The following GRIP1 variants were observed in gnomAD, a reference collection of about 807,000 sequenced individuals.
GRIP1 encodes the protein glutamate receptor interacting protein 1.
Under a neutral mutation model 129.9 loss-of-function variants are expected in GRIP1, and 45 were observed. The observed-to-expected ratio is 0.35, with a 90% confidence interval of 0.27 to 0.44. The LOEUF (loss-of-function observed/expected upper bound fraction) is 0.44, where lower values mean the gene tolerates loss of function less well. Among genes scored for constraint, GRIP1 ranks in the 20% least tolerant of loss-of-function variants. The probability of loss-of-function intolerance (pLI) is 1.00; values close to 1 mark genes in which losing one functional copy is unlikely to be tolerated. For synonymous variants in GRIP1, 530 were observed against 520.8 expected (o/e 1.02, Z -0.24); for missense variants, 1,196 against 1,396.8 (o/e 0.86, Z 2.29).
intron 1 of GRIP1, among the ~76,000 whole-genome samples, chr12:66,916,474 C>G (rs2137337317): frequency 6.6e-6 from 1 of 152,340 alleles, no homozygotes; most frequent in East Asian, 1.9e-4. Context: ...AGTCTCAGCA[C>G]TTCGCCTTCC....
chr12:66,628,628 T>C (rs1420727159), intron 1 of GRIP1, among the ~76,000 whole-genome samples: 3 of 152,252 alleles, frequency 2.0e-5, no homozygotes, highest in Admixed American at 6.5e-5. Context: ...TTTTCCTTCA[T>C]ATAAATCAGG....
intron 1 of GRIP1, among the ~76,000 whole-genome samples, chr12:67,011,040 T>C (rs568589994): frequency 1.3e-5 from 2 of 152,298 alleles, no homozygotes; most frequent in South Asian, 4.1e-4. Flanking sequence ...GACTTTTAAA[T>C]TATACCTACT....
At chr12:66,668,835 T>A (rs542848599) in intron 1 of GRIP1, among the ~76,000 whole-genome samples, 1 of 151,520 alleles carries the variant, frequency 6.6e-6, no homozygotes, top group Non-Finnish European at 1.5e-5. Context: ...GTTGGGGGAG[T>A]GGCAGGGAGG....
chr12:66,815,846 T>C (rs1456169880), intron 1 of GRIP1, among the ~76,000 whole-genome samples: 14 of 48,022 alleles, frequency 2.9e-4, no homozygotes, highest in Non-Finnish European at 2.4e-4. Flanking sequence ...CTTTCTTTCT[T>C]TCTTTCTTTC....
chr12:66,759,941 G>A (rs532967031), intron 1 of GRIP1, among the ~76,000 whole-genome samples: 3 of 151,534 alleles, frequency 2.0e-5, no homozygotes, highest in South Asian at 2.1e-4. Flanking sequence ...TGCAAGCTCC[G>A]CCTTCCGGGT....
chr12:66,713,522 A>C (rs117589354), intron 1 of GRIP1, among the ~76,000 whole-genome samples: 46 of 137,860 alleles, frequency 3.3e-4, no homozygotes, highest in Middle Eastern at 3.6e-3. Context: ...AGCAGTAGAG[A>C]CCAAAAGTCA....
intron 1 of GRIP1, among the ~76,000 whole-genome samples, chr12:66,751,770 T>G (rs1282569840): frequency 6.6e-6 from 1 of 152,220 alleles, no homozygotes; most frequent in Non-Finnish European, 1.5e-5. Flanking sequence ...AGATTTAGGT[T>G]TGTGTCAAAT....
intron 1 of GRIP1, among the ~76,000 whole-genome samples, chr12:66,936,689 T>C (rs895178504): frequency 1.3e-5 from 2 of 152,168 alleles, no homozygotes; most frequent in African/African-American, 4.8e-5. Flanking sequence ...CTGGCATCTG[T>C]AGTAAGGGTG....
At position 66,960,953 on chromosome 12, in the gene GRIP1, G is replaced by A. The variant is rs546561311; in HGVS notation, c.58+108097C>T. On this transcript the variant is annotated intron_variant, in intron 1 of 1. Transcript: ENST00000643019. ...CAGTAGTCAGCTCCCTCCCCTGTAA[G>A]GAAAGGGCCTGAGAAATAGAGAAAT... 2.1e-5 allele frequency among the ~76,000 whole-genome samples: 3 copies of A among 140,886 alleles called. No individual in the cohort carries two copies. The South Asian group carries it at 6.9e-4, about 32-fold the overall frequency. The allele number at this position is 140,886 out of a possible 152,430, so 92.4% of individuals were successfully genotyped here.
At chr12:66,468,972 G>C (rs11176205) in intron 7 of GRIP1, among the ~76,000 whole-genome samples, 2 of 151,928 alleles carry the variant, frequency 1.3e-5, no homozygotes, top group Admixed American at 6.6e-5. Context: ...AAAAACAACA[G>C]GTGTAATATT....
In GRIP1 at chr12:66,392,483, G is replaced by A. The variant is rs759500891; in HGVS notation, c.2289C>T (p.Pro763=). 25 of 1,613,950 alleles carry A rather than the reference G, an allele frequency of 1.5e-5. No homozygotes were observed. The highest frequency in any genetic ancestry group is 6.7e-5 in the Admixed American group (4 of 60,004). Residue 763 remains proline, a synonymous_variant, in exon 19 of 25, where the codon CCC becomes CCT. Coordinates refer to ENST00000359742, the MANE Select transcript of GRIP1 (RefSeq NM_001366722.1). Reference sequence around the variant, plus strand: ...AATGGCTAGAAATAGGGAACTTCTTGGGGCTCGATGCTGACTGGGCTTTAT... The same window carrying A: ...AATGGCTAGAAATAGGGAACTTCTTAGGGCTCGATGCTGACTGGGCTTTAT... ...KQTDAQSASS[P]KKFPISSHLS...
intron 2 of GRIP1, among the ~76,000 whole-genome samples, chr12:66,584,538 A>G (rs984491866): frequency 6.6e-6 from 1 of 152,170 alleles, no homozygotes; most frequent in South Asian, 2.1e-4. Flanking sequence ...ACGCCATTGC[A>G]TGCCAGCTGG....
intron 2 of GRIP1, among the ~76,000 whole-genome samples, chr12:66,555,645 G>A (rs763025491): frequency 6.6e-6 from 1 of 152,144 alleles, no homozygotes; most frequent in Non-Finnish European, 1.5e-5. Flanking sequence ...TAGGTGACTG[G>A]AGGAAACTTG....
At chr12:67,007,085 G>C (rs1033196805) in intron 1 of GRIP1, among the ~76,000 whole-genome samples, 14 of 152,100 alleles carry the variant, frequency 9.2e-5, no homozygotes, top group African/African-American at 3.1e-4. Context: ...TCTATTCATT[G>C]AAAAGTTGGT....
intron 7 of GRIP1, among the ~76,000 whole-genome samples, chr12:66,507,294 C>G (rs192720369): frequency 2.8e-3 from 432 of 152,064 alleles, no homozygotes; most frequent in African/African-American, 9.9e-3. Context: ...AAAAATTAGC[C>G]GGGCATGGTA....
chr12:67,056,597 C>A (rs1211654731), intron 1 of GRIP1, among the ~76,000 whole-genome samples: 2 of 152,160 alleles, frequency 1.3e-5, no homozygotes, highest in Admixed American at 6.5e-5. Context: ...TGTTAATCAG[C>A]CACAAGCCTG....
chr12:66,357,343 T>C lies in GRIP1; in HGVS notation c.3013-3780A>G, dbSNP rs2054543218. Among the ~76,000 whole-genome samples the C allele has an allele frequency of 2.0e-5, 3 of 152,340 alleles. No individual in the cohort carries two copies. In the South Asian group the frequency reaches 6.2e-4, roughly 32 times the overall value. Reference sequence around the variant, plus strand: ...AAACTGTGTCATTTGCTCTGTAGTATATTCCTCTGTCTCCCACATTTCTCT... The same window carrying C: ...AAACTGTGTCATTTGCTCTGTAGTACATTCCTCTGTCTCCCACATTTCTCT... On this transcript the variant is annotated intron_variant, in intron 23 of 24. Coordinates refer to ENST00000359742, the MANE Select transcript of GRIP1 (RefSeq NM_001366722.1).
chr12:66,737,650 T>C (rs2036649548), intron 1 of GRIP1, among the ~76,000 whole-genome samples: 1 of 151,872 alleles, frequency 6.6e-6, no homozygotes. Flanking sequence ...TCGAACTCAG[T>C]ATCTCTTTGA....
At chr12:66,418,559 C>T (rs2057692101) in intron 15 of GRIP1, among the ~76,000 whole-genome samples, 1 of 152,008 alleles carries the variant, frequency 6.6e-6, no homozygotes, top group Admixed American at 6.6e-5. Flanking sequence ...GGATTAATCA[C>T]CAGAATATAC....
Sources: gnomAD v4.1 joint callset for allele counts (sites outside exome capture counted in the v4.1 genomes callset) on GRCh38, gnomAD v4.1.1 for gene constraint, MANE v1.5 for transcripts, NCBI Gene and HGNC (gene_info 2026-07-23, HGNC 2026-07-21) for gene names.